Variants in EML4 observed in about 807,000 individuals in gnomAD.
EML4 encodes the protein EMAP like 4, also known as echinoderm microtubule-associated protein-like 4.
In EML4, 72 loss-of-function variants were observed where a neutral mutation model predicts 129.0. The ratio of observed to expected loss-of-function variants is 0.56; its 90% CI spans 0.46 to 0.68. The LOEUF (loss-of-function observed/expected upper bound fraction) is 0.68. Ranked by LOEUF, EML4 falls within the 30% of genes least tolerant of loss-of-function variation. The pLI is 0.00. For missense variants in EML4, 1,363 were observed against 1,190.6 expected, an observed-to-expected ratio of 1.14 and a Z score of -2.13; for synonymous variants, 532 against 405.0, an observed-to-expected ratio of 1.31 and a Z score of -3.77.
chr2:42,289,743 T>C (rs1010121171), intron 11 of EML4: 11 of 151,828 alleles, frequency 7.2e-5, no homozygotes, highest in Admixed American at 7.2e-4. Context: ...TATAGCACTT[T>C]CTAGTACAAG....
intron 6 of EML4, among the ~76,000 whole-genome samples, chr2:42,269,067 T>A (rs1666225250): frequency 6.6e-6 from 1 of 152,196 alleles, no homozygotes; most frequent in South Asian, 2.1e-4. Flanking sequence ...AGTACAGTGA[T>A]ATCCTAACTG....
chr2:42,277,738 T>G (rs1016787287), intron 6 of EML4, among the ~76,000 whole-genome samples: 1 of 152,016 alleles, frequency 6.6e-6, no homozygotes, highest in Non-Finnish European at 1.5e-5. Context: ...CCAGCTAAAT[T>G]TTGTATTTTT....
intron 1 of EML4, among the ~76,000 whole-genome samples, chr2:42,212,576 C>T (rs1056825763): frequency 6.6e-6 from 1 of 152,116 alleles, no homozygotes; most frequent in African/African-American, 2.4e-5. Flanking sequence ...CTAGTCCCTG[C>T]TAAAATTCTT....
At chr2:42,201,951 T>C (rs911363789) in intron 1 of EML4, among the ~76,000 whole-genome samples, 1 of 151,990 alleles carries the variant, frequency 6.6e-6, no homozygotes. Context: ...GGTGTGGTGC[T>C]GCGCACCTGT....
chr2:42,331,272 G>GT lies in EML4; in HGVS notation c.*1073dup, dbSNP rs928606191. 49 of 223,222 alleles carry GT rather than the reference G, an allele frequency of 2.2e-4. No homozygotes were observed. The highest frequency in any genetic ancestry group is 3.6e-4 in the African/African-American group (16 of 44,862). 13.8% of individuals were successfully genotyped at this position (223,222 alleles called of 1,614,324 possible). A position where few individuals can be genotyped will look rare whatever the true frequency, so the allele number is the denominator to read the frequency against. Reference sequence around the variant, plus strand: ...AGAAGTGTGGGTAACAGTCACAGCAGTTTTTTTTACCAACAGCATACTTAA... The same window carrying GT: ...AGAAGTGTGGGTAACAGTCACAGCAGTTTTTTTTTACCAACAGCATACTTAA... On this transcript the variant is annotated 3_prime_UTR_variant, in exon 23 of 23. Transcript: ENST00000318522.
intron 6 of EML4, among the ~76,000 whole-genome samples, chr2:42,266,536 G>T (rs942437516): frequency 6.6e-6 from 1 of 151,872 alleles, no homozygotes; most frequent in Non-Finnish European, 1.5e-5. Context: ...TAGAGATGGG[G>T]TCTCACTTTG....
Position 42,295,430 on chromosome 2 carries a change from G to C in EML4, c.1403G>C (p.Gly468Ala), listed in dbSNP as rs150928977. Residue 468 changes from glycine (G) to alanine (A), a missense_variant, in exon 13 of 23, where the codon GGA becomes GCA. Transcript: ENST00000318522. The part of the protein sequence containing the change: ...FVQCLAFLGN[G>A]DVLTGDSGGV... ...CAGTGTTTAGCATTCTTGGGGAATG[G>C]AGATGTTCTTACTGGAGACTCAGGT... The C allele has an allele frequency of 1.2e-5, 19 of 1,613,818 alleles. No homozygotes were observed. The highest frequency in any genetic ancestry group is 4.5e-5 in the East Asian group (2 of 44,874).
chr2:42,193,650 C>T (rs1215068689), intron 1 of EML4, among the ~76,000 whole-genome samples: 2 of 151,634 alleles, frequency 1.3e-5, no homozygotes, highest in Admixed American at 1.3e-4. Flanking sequence ...TCACTTTTGT[C>T]ATCTATCTAT....
chr2:42,244,363 C>A (rs1003713039), intron 1 of EML4, among the ~76,000 whole-genome samples: 1 of 152,130 alleles, frequency 6.6e-6, no homozygotes, highest in Non-Finnish European at 1.5e-5. Context: ...TCCCAAAGTG[C>A]TGGGATTACA....
At chr2:42,260,317 G>C (rs1665648920) in intron 3 of EML4, among the ~76,000 whole-genome samples, 1 of 152,154 alleles carries the variant, frequency 6.6e-6, no homozygotes, top group Non-Finnish European at 1.5e-5. Context: ...ACAGGCACAT[G>C]CCACTGCGCC....
At chr2:42,272,957 C>G (rs986120097) in intron 6 of EML4, among the ~76,000 whole-genome samples, 5 of 152,126 alleles carry the variant, frequency 3.3e-5, no homozygotes, top group African/African-American at 7.2e-5. Context: ...TCTCATTAAT[C>G]CTGTTTAATC....
chr2:42,303,332 T>C lies in EML4; in HGVS notation c.1785T>C (p.Leu595=). 6.2e-7 allele frequency: 1 copy of C among 1,614,176 alleles called. No individual in the cohort carries two copies. The highest frequency in any genetic ancestry group is 8.5e-7 in the Non-Finnish European group (1 of 1,180,024). Reference sequence around the variant, plus strand: ...ATTTTCAGGGTCATACAGATGAGCTTTGGGGTCTTGCCACACATCCCTTCA... The same window carrying C: ...ATTTTCAGGGTCATACAGATGAGCTCTGGGGTCTTGCCACACATCCCTTCA... ...QIEVQGHTDE[L]WGLATHPFKD... Residue 595 remains leucine (L), a synonymous_variant, in exon 16 of 23, where the codon CTT becomes CTC. Coordinates refer to ENST00000318522, the MANE Select transcript of EML4 (RefSeq NM_019063.5).
intron 13 of EML4, among the ~76,000 whole-genome samples, chr2:42,300,142 T>G (rs1402213834): frequency 6.6e-6 from 1 of 152,250 alleles, no homozygotes; most frequent in East Asian, 1.9e-4. Flanking sequence ...AAATGAATAG[T>G]TGTTAAACCT....
chr2:42,250,310 A>G (rs1675678953), intron 2 of EML4, among the ~76,000 whole-genome samples: 1 of 152,176 alleles, frequency 6.6e-6, no homozygotes, highest in Non-Finnish European at 1.5e-5. Flanking sequence ...AAAATCTGGG[A>G]TACTCTAAAG....
chr2:42,331,402 A>G lies in EML4; in HGVS notation c.*1195A>G, dbSNP rs551454215. On this transcript the variant is annotated 3_prime_UTR_variant, in exon 23 of 23. Transcript: ENST00000318522. ...GGGCAATGCATGTATTATGCATTGGAAAGGTATTTTTTTTAAGTTCTGTTG... is the reference window on the plus strand; with the variant it reads ...GGGCAATGCATGTATTATGCATTGGGAAGGTATTTTTTTTAAGTTCTGTTG... 2.7e-4 allele frequency: 60 copies of G among 224,544 alleles called. 1 individual carries two copies. The South Asian group carries it at 0.01, about 39-fold the overall frequency. 13.9% of individuals were successfully genotyped at this position (224,544 alleles called of 1,614,324 possible).
chr2:42,293,340 G>T (rs1375238469), intron 11 of EML4, among the ~76,000 whole-genome samples: 1 of 152,016 alleles, frequency 6.6e-6, no homozygotes, highest in Non-Finnish European at 1.5e-5. Flanking sequence ...GGCCTCAGCA[G>T]TCCTCCCACC....
intron 5 of EML4, among the ~76,000 whole-genome samples, chr2:42,264,018 C>A (rs1170800465): frequency 6.6e-6 from 1 of 151,792 alleles, no homozygotes; most frequent in Non-Finnish European, 1.5e-5. Flanking sequence ...CGTGAGCCAC[C>A]GTGCCAGCCT....
chr2:42,281,096 T>A, intron 7 of EML4, 123 bp downstream of exon 7: 1 of 855,268 alleles, frequency 1.2e-6, no homozygotes, highest in Non-Finnish European at 1.7e-6. Context: ...CTTAAAAAAT[T>A]AAAAAGGAAA....
intron 1 of EML4, among the ~76,000 whole-genome samples, chr2:42,173,687 A>G (rs1670407993): frequency 6.6e-6 from 1 of 152,044 alleles, no homozygotes; most frequent in Non-Finnish European, 1.5e-5. Flanking sequence ...TGTCTCTGCA[A>G]AAAAAACAAA....
Sources: gnomAD v4.1 joint callset for allele counts (sites outside exome capture counted in the v4.1 genomes callset) on GRCh38, gnomAD v4.1.1 for gene constraint, MANE v1.5 for transcripts, NCBI Gene and HGNC (gene_info 2026-07-23, HGNC 2026-07-21) for gene names.